The following SDK2 variants were observed in gnomAD, a reference collection of about 807,000 sequenced individuals.
SDK2 encodes the protein protein sidekick-2.
A neutral mutation model predicts 253.9 loss-of-function variants in SDK2; 105 were observed. The observed-to-expected ratio is 0.41, with a 90% CI of 0.35 to 0.49. The LOEUF (loss-of-function observed/expected upper bound fraction) is 0.49. Ranked by LOEUF, SDK2 falls within the 20% of genes least tolerant of loss-of-function variation. SDK2 has a pLI of 0.06. For missense variants in SDK2, 2,608 were observed against 3,003.0 expected (o/e 0.87, Z 3.07); for synonymous variants, 1,249 against 1,234.9 (o/e 1.01, Z -0.24).
At position 73,386,462 on chromosome 17, in the gene SDK2, A is replaced by C; in HGVS notation, c.4481T>G (p.Leu1494Arg). The change falls in exon 31 of 45, where the codon CTG becomes CGG. Residue 1494 changes from leucine to arginine, a missense_variant. This residue lies in a region of SDK2 where 1,103 missense variants were observed against 1,143.9 expected (regional missense o/e 0.96). Transcript: ENST00000392650. Reference sequence around the variant, plus strand: ...GTACTGACCAGCCTGCAGGGTGGTCAGTGACTCCGACTCCTCGCTGAACTC... The same window carrying C: ...GTACTGACCAGCCTGCAGGGTGGTCCGTGACTCCGACTCCTCGCTGAACTC... ...DSEFSEESES[L>R]TTLQAAPDEA... 1.3e-6 allele frequency: 2 copies of C among 1,557,922 alleles called. No individual in the cohort carries two copies. Among genetic ancestry groups the C allele is most frequent in the Non-Finnish European group, 1.7e-6 (2 of 1,150,460 alleles).
intron 34 of SDK2, 35 bp downstream of exon 34, chr17:73,380,859 G>A: frequency 6.5e-7 from 1 of 1,547,130 alleles, no homozygotes. Context: ...GCGAGGCCTG[G>A]GCCCGCGATG....
At chr17:73,630,715 G>T (rs958429454) in intron 1 of SDK2, among the ~76,000 whole-genome samples, 8 of 152,142 alleles carry the variant, frequency 5.3e-5, no homozygotes, top group Non-Finnish European at 1.5e-5. Flanking sequence ...TGGCAGGCCT[G>T]GGGGCACAGA....
chr17:73,635,270 G>A (rs1402617580), intron 1 of SDK2, among the ~76,000 whole-genome samples: 1 of 152,164 alleles, frequency 6.6e-6, no homozygotes, highest in Non-Finnish European at 1.5e-5. Flanking sequence ...TTACAGGTGT[G>A]AACCACTGCG....
At chr17:73,600,355 T>C (rs548666266) in intron 1 of SDK2, among the ~76,000 whole-genome samples, 1 of 152,204 alleles carries the variant, frequency 6.6e-6, no homozygotes, top group Non-Finnish European at 1.5e-5. Context: ...GCCCTGTTCG[T>C]GCTGCTAACA....
rs528420969 is a variant in SDK2, at chr17:73,621,092, A to G, written c.64+22933T>C. On this transcript the variant is annotated intron_variant, in intron 1 of 44. Coordinates refer to ENST00000392650, the MANE Select transcript of SDK2 (RefSeq NM_001144952.2). ...AGAATTCAGGGCAACCACAGGCACCAGAAAGTGAGGATGGATCCTGGAAAG... is the reference window on the plus strand; with the variant it reads ...AGAATTCAGGGCAACCACAGGCACCGGAAAGTGAGGATGGATCCTGGAAAG... Among the ~76,000 whole-genome samples the G allele has an allele frequency of 7.2e-5, 11 of 152,380 alleles. No individual in the cohort carries two copies. The South Asian group carries it at 1.7e-3, about 23-fold the overall frequency.
chr17:73,364,800 T>G (rs567656163), intron 38 of SDK2, among the ~76,000 whole-genome samples: 20 of 152,164 alleles, frequency 1.3e-4, no homozygotes, highest in African/African-American at 4.8e-4. Flanking sequence ...TTTTGTATTT[T>G]CAGTAGAGAC....
chr17:73,533,345 C>T (rs9901625), intron 1 of SDK2, among the ~76,000 whole-genome samples: 66,667 of 152,106 alleles, frequency 0.44, 15,192 homozygotes, highest in East Asian at 0.6. Context: ...CAGAGGCAGG[C>T]TGCCGAGCCT....
Position 73,418,024 on chromosome 17 carries a change from T to G in SDK2, c.2186+1142A>C, listed in dbSNP as rs76689547. ...CTCCTAGATGAGTTTTTTTTTTTTTTTTTTGTTTTTAGATGGAGTCTCGCC... is the reference window on the plus strand; with the variant it reads ...CTCCTAGATGAGTTTTTTTTTTTTTGTTTTGTTTTTAGATGGAGTCTCGCC... On this transcript the variant is annotated intron_variant, in intron 16 of 44. Coordinates refer to ENST00000392650, the MANE Select transcript of SDK2 (RefSeq NM_001144952.2). Among the ~76,000 whole-genome samples, 1,314 of 150,070 alleles carry G rather than the reference T, an allele frequency of 8.8e-3. 38 individuals carry two copies. The East Asian group carries it at 0.1, about 12-fold the overall frequency.
chr17:73,400,168 C>G (rs2063010430), intron 21 of SDK2, among the ~76,000 whole-genome samples: 1 of 152,276 alleles, frequency 6.6e-6, no homozygotes, highest in South Asian at 2.1e-4. Flanking sequence ...GTTATCTGGT[C>G]CAACTTCCCA....
chr17:73,456,208 C>A (rs1599583339), intron 3 of SDK2, among the ~76,000 whole-genome samples, 155 bp from the exon 4 acceptor site: 1 of 152,180 alleles, frequency 6.6e-6, no homozygotes, highest in Non-Finnish European at 1.5e-5. Flanking sequence ...CCACCCCATT[C>A]TCTGCCTCAC....
intron 18 of SDK2, among the ~76,000 whole-genome samples, chr17:73,412,101 T>C (rs2063141011): frequency 1.1e-5 from 1 of 92,576 alleles, no homozygotes; most frequent in African/African-American, 3.9e-5. Flanking sequence ...TACGTATATA[T>C]GTATACGTAT....
chr17:73,405,451 A>AC (rs1380112150), intron 18 of SDK2, among the ~76,000 whole-genome samples: 10 of 113,146 alleles, frequency 8.8e-5, no homozygotes, highest in African/African-American at 3.4e-4. Flanking sequence ...AAAAAAAAAA[A>AC]AAACAAACAA....
intron 1 of SDK2, among the ~76,000 whole-genome samples, chr17:73,633,649 G>A (rs946773030): frequency 2.0e-5 from 3 of 152,174 alleles, no homozygotes; most frequent in Non-Finnish European, 4.4e-5. Flanking sequence ...AATAATTTAC[G>A]TCTAGTACCT....
intron 37 of SDK2, 45 bp from the exon 38 acceptor site, chr17:73,365,440 GT>G: frequency 6.5e-7 from 1 of 1,544,152 alleles, no homozygotes; most frequent in South Asian, 1.2e-5. Context: ...TTCTGTGGAA[GT>G]TCAAAGCCTC....
At chr17:73,539,314 G>C (rs966686774) in intron 1 of SDK2, among the ~76,000 whole-genome samples, 1 of 152,072 alleles carries the variant, frequency 6.6e-6, no homozygotes, top group African/African-American at 2.4e-5. Flanking sequence ...TCATTCGTCT[G>C]TCATCAAAGG....
chr17:73,409,966 T>C (rs7207281), intron 18 of SDK2, among the ~76,000 whole-genome samples: 144,921 of 152,150 alleles, frequency 0.95, 69,162 homozygotes, highest in Non-Finnish European at 0.99. Flanking sequence ...CAATCCTCCC[T>C]GTCTTAGCCT....
chr17:73,471,105 G>A (rs188504728), intron 3 of SDK2, among the ~76,000 whole-genome samples: 4 of 152,200 alleles, frequency 2.6e-5, no homozygotes, highest in East Asian at 3.9e-4. Context: ...GGAGAAGGCC[G>A]TTACCCACAA....
At chr17:73,603,474 A>T (rs1599718317) in intron 1 of SDK2, among the ~76,000 whole-genome samples, 1 of 152,320 alleles carries the variant, frequency 6.6e-6, no homozygotes, top group South Asian at 2.1e-4. Flanking sequence ...TCTGAAATGT[A>T]GCTAGCCTGG....
chr17:73,621,374 T>G (rs1017047877), intron 1 of SDK2, among the ~76,000 whole-genome samples: 1 of 152,232 alleles, frequency 6.6e-6, no homozygotes, highest in Admixed American at 6.5e-5. Context: ...TCTGACTTAT[T>G]GCAATGCCCA....
Sources: allele counts gnomAD v4.1 joint callset (sites outside exome capture counted in the v4.1 genomes callset), GRCh38; gene constraint gnomAD v4.1.1; regional missense constraint gnomAD v4.1.1; transcripts MANE v1.5; gene names NCBI Gene and HGNC (gene_info 2026-07-23, HGNC 2026-07-21).